The following BMERB1 variants were observed in gnomAD, a reference collection of about 807,000 sequenced individuals.
BMERB1 encodes bMERB domain containing 1, also known as bMERB domain-containing protein 1.
In BMERB1, 12 loss-of-function variants were observed where a neutral mutation model predicts 23.6. The ratio of observed to expected loss-of-function variants is 0.51; its 90% CI spans 0.33 to 0.82. The LOEUF is 0.82. Among genes scored for constraint, BMERB1 ranks in the 40% least tolerant of loss-of-function variants. BMERB1 has a pLI of 0.03. For synonymous variants in BMERB1, 122 were observed against 96.6 expected (o/e 1.26, Z -1.54); for missense variants, 247 against 255.4 (o/e 0.97, Z 0.22).
At chr16:15,500,282 C>G (rs921039354) in intron 1 of BMERB1, among the ~76,000 whole-genome samples, 3 of 152,092 alleles carry the variant, frequency 2.0e-5, no homozygotes, top group East Asian at 3.9e-4. Context: ...ACCTGTGGGG[C>G]CTGCACCGCA....
chr16:15,571,380 C>T (rs1370518504), intron 3 of BMERB1, among the ~76,000 whole-genome samples: 2 of 147,426 alleles, frequency 1.4e-5, no homozygotes, highest in Non-Finnish European at 3.0e-5. Context: ...TTTTTTGAGA[C>T]GGAGTCTCGC....
intron 1 of BMERB1, among the ~76,000 whole-genome samples, chr16:15,459,318 C>T (rs1333346409): frequency 6.6e-6 from 1 of 150,980 alleles, no homozygotes; most frequent in Non-Finnish European, 1.5e-5. Context: ...CTCCAATCAA[C>T]AGGCAAAGAT....
chr16:15,562,294 ACT>A (rs1298687709), intron 2 of BMERB1, among the ~76,000 whole-genome samples: 1 of 143,884 alleles, frequency 7.0e-6, no homozygotes, highest in Non-Finnish European at 1.5e-5. Context: ...CGAGAGCAAA[ACT>A]CTTTTTCAAA....
chr16:15,512,390 T>C (rs1029249027), intron 1 of BMERB1, among the ~76,000 whole-genome samples: 2 of 152,148 alleles, frequency 1.3e-5, no homozygotes, highest in African/African-American at 4.8e-5. Flanking sequence ...CTAAACCCTG[T>C]GCACGTGTGC....
chr16:15,511,325 A>C (rs2150948874), intron 1 of BMERB1, among the ~76,000 whole-genome samples: 1 of 150,422 alleles, frequency 6.6e-6, no homozygotes, highest in Non-Finnish European at 1.5e-5. Flanking sequence ...CTCCCTTTTC[A>C]CCCTTCCCTG....
intron 2 of BMERB1, among the ~76,000 whole-genome samples, chr16:15,534,811 A>T (rs111673469): frequency 0.046 from 6,950 of 152,160 alleles, 217 homozygotes; most frequent in Non-Finnish European, 0.071. Context: ...TCTTATCCAC[A>T]GCAGCTTTGC....
intron 1 of BMERB1, among the ~76,000 whole-genome samples, chr16:15,453,140 A>G (rs1275929879): frequency 1.3e-5 from 2 of 152,114 alleles, no homozygotes; most frequent in Admixed American, 6.6e-5. Context: ...CCACTGCACA[A>G]CTACCTGGGC....
chr16:15,475,394 T>C (rs1445049138), intron 1 of BMERB1, among the ~76,000 whole-genome samples: 1 of 152,188 alleles, frequency 6.6e-6, no homozygotes, highest in Non-Finnish European at 1.5e-5. Context: ...TGTCCTCAAC[T>C]TTCATGCTTT....
intron 1 of BMERB1, among the ~76,000 whole-genome samples, chr16:15,452,885 T>A (rs566515525): frequency 6.6e-6 from 1 of 152,172 alleles, no homozygotes; most frequent in Non-Finnish European, 1.5e-5. Flanking sequence ...TGAGGTGTAT[T>A]CTCCCATGGC....
intron 2 of BMERB1, among the ~76,000 whole-genome samples, chr16:15,549,373 G>A (rs1261830493): frequency 2.0e-5 from 3 of 149,368 alleles, no homozygotes; most frequent in Admixed American, 6.7e-5. Flanking sequence ...AAAAAATGGA[G>A]TGATTGCTTT....
chr16:15,580,902 T>G (rs918399254), intron 3 of BMERB1, among the ~76,000 whole-genome samples: 1 of 151,676 alleles, frequency 6.6e-6, no homozygotes, highest in Non-Finnish European at 1.5e-5. Flanking sequence ...TTTTTGTTTT[T>G]TTTTTCTTTC....
intron 1 of BMERB1, among the ~76,000 whole-genome samples, chr16:15,515,036 C>T (rs185003381): frequency 3.9e-5 from 6 of 152,180 alleles, no homozygotes; most frequent in Non-Finnish European, 7.3e-5. Context: ...GAGCCGAGAT[C>T]GCTTCACCGC....
At chr16:15,563,684 G>GA (rs2030489222) in intron 2 of BMERB1, among the ~76,000 whole-genome samples, 9 of 152,140 alleles carry the variant, frequency 5.9e-5, no homozygotes, top group Admixed American at 5.9e-4. Context: ...CGTGGCTGGA[G>GA]AAGGAACAAG....
intron 1 of BMERB1, among the ~76,000 whole-genome samples, chr16:15,501,278 C>T (rs1209634650): frequency 7.0e-6 from 1 of 142,656 alleles, no homozygotes; most frequent in African/African-American, 2.6e-5. Flanking sequence ...CCGCACCCAG[C>T]TCTTTTTACT....
chr16:15,438,140 G>A (rs1426082435), intron 1 of BMERB1, among the ~76,000 whole-genome samples: 2 of 151,854 alleles, frequency 1.3e-5, no homozygotes, highest in Admixed American at 1.3e-4. Context: ...AGGCTGGAGT[G>A]CAGTGGCATG....
At chr16:15,481,110 A>G (rs1158689237) in intron 1 of BMERB1, among the ~76,000 whole-genome samples, 1 of 152,234 alleles carries the variant, frequency 6.6e-6, no homozygotes, top group African/African-American at 2.4e-5. Flanking sequence ...AAAAGAATGC[A>G]GAAGATCTAA....
chr16:15,444,992 C>T (rs71376068), intron 1 of BMERB1, among the ~76,000 whole-genome samples: 1 of 152,148 alleles, frequency 6.6e-6, no homozygotes, highest in African/African-American at 2.4e-5. Context: ...AACCTCCTGC[C>T]TAGGCCTCCC....
intron 1 of BMERB1, among the ~76,000 whole-genome samples, chr16:15,442,053 G>A (rs757715432): frequency 2.6e-5 from 4 of 152,076 alleles, no homozygotes; most frequent in African/African-American, 7.2e-5. Flanking sequence ...GAGGGAGGCC[G>A]GGCACAGTGG....
At chr16:15,481,688 A>G (rs2051321711) in intron 1 of BMERB1, among the ~76,000 whole-genome samples, 1 of 151,778 alleles carries the variant, frequency 6.6e-6, no homozygotes, top group Non-Finnish European at 1.5e-5. Context: ...GAATTAATTA[A>G]CATATTGCTT....
Sources: allele counts gnomAD v4.1 joint callset (sites outside exome capture counted in the v4.1 genomes callset), GRCh38; gene constraint gnomAD v4.1.1; transcripts MANE v1.5; gene names NCBI Gene and HGNC (gene_info 2026-07-23, HGNC 2026-07-21).